Variants in EIF5B observed in about 807,000 individuals in gnomAD.
The protein encoded by EIF5B is eukaryotic translation initiation factor 5B.
A neutral mutation model predicts 147.5 loss-of-function variants in EIF5B; 47 were observed. The ratio of observed to expected loss-of-function variants is 0.32; its 90% CI spans 0.25 to 0.41. The LOEUF is 0.41. Ranked by LOEUF, EIF5B falls within the 10% of genes least tolerant of loss-of-function variation. EIF5B has a pLI of 1.00. For missense variants in EIF5B, 1,064 were observed against 1,413.2 expected, an observed-to-expected ratio of 0.75 and a Z score of 3.96; for synonymous variants, 455 against 456.2, an observed-to-expected ratio of 1.00 and a Z score of 0.03.
At chr2:99,376,295 T>C (rs1674562372) in intron 9 of EIF5B, 52 bp from the exon 10 acceptor site, 2 of 1,187,020 alleles carry the variant, frequency 1.7e-6, no homozygotes, top group African/African-American at 1.6e-5. Flanking sequence ...TATCTTGATA[T>C]AAATCTATCA....
intron 17 of EIF5B, 146 bp downstream of exon 17, chr2:99,390,851 A>T (rs1674913434): frequency 2.2e-6 from 2 of 903,136 alleles, no homozygotes; most frequent in Non-Finnish European, 3.2e-6. Context: ...AGTTGTCATC[A>T]TACAGGAAGG....
intron 18 of EIF5B, 113 bp from the exon 19 acceptor site, chr2:99,394,154 T>TA: frequency 7.2e-7 from 1 of 1,381,392 alleles, no homozygotes; most frequent in Non-Finnish European, 9.8e-7. Context: ...ATCTAAGCCT[T>TA]AGTTTCATAT....
intron 1 of EIF5B, among the ~76,000 whole-genome samples, chr2:99,343,175 CGA>C (rs1407916688): frequency 3.3e-5 from 5 of 151,272 alleles, no homozygotes; most frequent in Non-Finnish European, 7.4e-5. Context: ...AGGCTGGTCT[CGA>C]AATCCTCACC....
At chr2:99,351,540 ACT>A (rs1430269012) in intron 1 of EIF5B, among the ~76,000 whole-genome samples, 1 of 152,036 alleles carries the variant, frequency 6.6e-6, no homozygotes, top group East Asian at 1.9e-4. Flanking sequence ...AAGCTGTCAA[ACT>A]CTCTTCCAAA....
rs1228350043 is a variant in EIF5B, at chr2:99,346,638, T to A, written c.35+9049T>A. The stretch of plus-strand genomic sequence containing the variant: ...TTTTGAGAAGGTGTCTCAAGCAATC[T>A]CAGCTCACTGCAAGCTCCACCTCCC... On this transcript the variant is annotated intron_variant, in intron 1 of 23. Coordinates refer to ENST00000289371, the MANE Select transcript of EIF5B (RefSeq NM_015904.4). Among the ~76,000 whole-genome samples, 10 of 124,530 alleles carry A rather than the reference T, an allele frequency of 8.0e-5. No homozygotes were observed. In the East Asian group the frequency reaches 2.5e-3, roughly 31 times the overall value. The allele number at this position is 124,530 out of a possible 152,430, so 81.7% of individuals were successfully genotyped here.
intron 1 of EIF5B, among the ~76,000 whole-genome samples, chr2:99,357,676 G>A (rs1444212141): frequency 6.6e-6 from 1 of 152,172 alleles, no homozygotes; most frequent in Non-Finnish European, 1.5e-5. Flanking sequence ...GTTTGGGTGA[G>A]GGCCGATAAA....
intron 14 of EIF5B, among the ~76,000 whole-genome samples, chr2:99,388,209 G>A (rs1050900802): frequency 6.6e-6 from 1 of 152,120 alleles, no homozygotes; most frequent in African/African-American, 2.4e-5. Context: ...GTTTTTCTAA[G>A]TATGTTGTTA....
intron 7 of EIF5B, among the ~76,000 whole-genome samples, chr2:99,368,969 C>T (rs974780017): frequency 6.6e-6 from 1 of 152,146 alleles, no homozygotes; most frequent in African/African-American, 2.4e-5. Context: ...ATTTTCTAAA[C>T]TTGAAGAAAT....
At chr2:99,342,582 C>T (rs1208654431) in intron 1 of EIF5B, among the ~76,000 whole-genome samples, 2 of 151,700 alleles carry the variant, frequency 1.3e-5, no homozygotes, top group South Asian at 2.1e-4. Flanking sequence ...ATTCCTCCCC[C>T]TCCTTTTTTT....
rs1268814882 is a variant in EIF5B at position 99,376,647 on chromosome 2, T to C, written c.1842+11T>C. On this transcript the variant is annotated intron_variant, in intron 10 of 23. Coordinates refer to ENST00000289371, the MANE Select transcript of EIF5B (RefSeq NM_015904.4). Reference sequence around the variant, plus strand: ...AAACGGAGGATTGAGGTATTTATTTTACCGTTTCTCTCTACTTTTCTTCCC... The same window carrying C: ...AAACGGAGGATTGAGGTATTTATTTCACCGTTTCTCTCTACTTTTCTTCCC... 1 of 1,584,830 alleles carries C rather than the reference T, an allele frequency of 6.3e-7. No individual in the cohort carries two copies. The highest frequency in any genetic ancestry group is 8.6e-7 in the Non-Finnish European group (1 of 1,167,990).
intron 17 of EIF5B, among the ~76,000 whole-genome samples, chr2:99,392,676 TCTG>T (rs1452105203): frequency 2.0e-5 from 3 of 152,240 alleles, no homozygotes; most frequent in African/African-American, 7.2e-5. Context: ...ACATTTTTCT[TCTG>T]CATTATCTTT....
intron 1 of EIF5B, among the ~76,000 whole-genome samples, chr2:99,338,114 C>A (rs1159553592): frequency 6.6e-6 from 1 of 152,088 alleles, no homozygotes; most frequent in African/African-American, 2.4e-5. Context: ...ATACAGTTTT[C>A]GTTTATTTAA....
At chr2:99,387,536 C>A (rs1292558942) in intron 14 of EIF5B, among the ~76,000 whole-genome samples, 1 of 152,306 alleles carries the variant, frequency 6.6e-6, no homozygotes, top group Non-Finnish European at 1.5e-5. Context: ...TATGCCACTA[C>A]TACCCTGTCT....
chr2:99,368,369 T>A (rs1674372322), intron 6 of EIF5B, 124 bp from the exon 7 acceptor site: 1 of 724,298 alleles, frequency 1.4e-6, no homozygotes, highest in African/African-American at 1.8e-5. Context: ...AGTTTTTCCA[T>A]GAATATCCTT....
intron 6 of EIF5B, among the ~76,000 whole-genome samples, chr2:99,365,999 G>A (rs751600810): frequency 1.3e-5 from 2 of 152,162 alleles, no homozygotes; most frequent in Non-Finnish European, 2.9e-5. Flanking sequence ...AGAGAGTGTA[G>A]GCATCTGCAG....
intron 14 of EIF5B, 38 bp from the exon 15 acceptor site, chr2:99,389,680 A>T (rs767357878): frequency 6.4e-7 from 1 of 1,571,530 alleles, no homozygotes; most frequent in Non-Finnish European, 8.6e-7. Flanking sequence ...AATGTTCTGA[A>T]TTTTTTAGAG....
At chr2:99,397,481 A>T (rs1675078566) in intron 22 of EIF5B, 1 of 145,988 alleles carries the variant, frequency 6.8e-6, no homozygotes, top group South Asian at 2.2e-4. Flanking sequence ...AGTCAAGAAC[A>T]GTCCTCCATT....
chr2:99,359,238 G>A (rs1574924151), intron 1 of EIF5B, among the ~76,000 whole-genome samples: 6 of 151,564 alleles, frequency 4.0e-5, no homozygotes, highest in Admixed American at 1.3e-4. Flanking sequence ...GCATGGTGGC[G>A]GGCTCCTGTA....
chr2:99,374,754 T>C (rs1674529739), intron 9 of EIF5B, among the ~76,000 whole-genome samples: 2 of 152,218 alleles, frequency 1.3e-5, no homozygotes, highest in African/African-American at 4.8e-5. Context: ...TTTAAAAATA[T>C]ATTCTACTTG....
Sources: allele counts gnomAD v4.1 joint callset (sites outside exome capture counted in the v4.1 genomes callset), GRCh38; gene constraint gnomAD v4.1.1; transcripts MANE v1.5; gene names NCBI Gene and HGNC (gene_info 2026-07-23, HGNC 2026-07-21).